Variants in PKP2 observed in about 807,000 individuals in gnomAD.
The protein encoded by PKP2 is plakophilin 2.
In PKP2, 73 loss-of-function variants were observed where a neutral mutation model predicts 83.4. The observed-to-expected ratio is 0.88, with a 90% confidence interval of 0.72 to 1.06. PKP2 has a LOEUF of 1.06. PKP2 is among the 50% of genes least tolerant of loss of function. PKP2 has a pLI of 0.00. For missense variants in PKP2, 966 were observed against 1,065.4 expected (o/e 0.91, Z 1.30); for synonymous variants, 409 against 430.4 (o/e 0.95, Z 0.62).
intron 4 of PKP2, among the ~76,000 whole-genome samples, chr12:32,860,240 GAA>G (rs1491334610): frequency 5.3e-5 from 8 of 152,176 alleles, no homozygotes; most frequent in Admixed American, 4.6e-4. Flanking sequence ...GTACCACAGA[GAA>G]AAGAGCTGAA....
At position 32,869,052 on chromosome 12, in the gene PKP2, T is replaced by C. The variant is rs199957846; in HGVS notation, c.1045A>G (p.Met349Val). The change falls in exon 4 of 13, where the codon ATG (methionine) becomes GTG (valine). Residue 349 changes from methionine (M) to valine (V), a missense_variant. Physicochemically the swap from Met to Val is conservative, Grantham distance 21 (BLOSUM62 1). Coordinates refer to ENST00000340811, the MANE Select transcript of PKP2 (RefSeq NM_001005242.3). ...ACTGCTCGCTCCAGAGTCATCTCCA[T>C]GTCTGCATTCCTAGACAAACAGGCA... is the stretch of plus-strand genomic sequence containing the variant. ...FTDSQLGNADMEMTLERAVSM... is the reference protein window; with the variant it reads ...FTDSQLGNADVEMTLERAVSM... 25 of 1,613,914 alleles carry C rather than the reference T, an allele frequency of 1.5e-5. No homozygotes were observed. The highest frequency in any genetic ancestry group is 5.1e-6 in the Non-Finnish European group (6 of 1,180,042).
chr12:32,833,998 G>A (rs1956523592), intron 6 of PKP2, among the ~76,000 whole-genome samples: 1 of 152,186 alleles, frequency 6.6e-6, no homozygotes, highest in South Asian at 2.1e-4. Context: ...TAAGAACGTT[G>A]GTGATGACCT....
chr12:32,832,396 A>T (rs1479504695), intron 6 of PKP2, among the ~76,000 whole-genome samples: 2 of 151,964 alleles, frequency 1.3e-5, no homozygotes, highest in Non-Finnish European at 2.9e-5. Context: ...AAAAAAAAAA[A>T]TTTACAAAGT....
intron 3 of PKP2, among the ~76,000 whole-genome samples, chr12:32,872,751 A>G (rs1956905065): frequency 6.6e-6 from 1 of 152,126 alleles, no homozygotes; most frequent in Non-Finnish European, 1.5e-5. Context: ...CCCCACAAAT[A>G]TTTTAAAGTA....
intron 5 of PKP2, among the ~76,000 whole-genome samples, chr12:32,845,732 C>G (rs1054704187): frequency 6.6e-6 from 1 of 152,024 alleles, no homozygotes; most frequent in African/African-American, 2.4e-5. Context: ...ACCGCTCGGA[C>G]AAGGACAAGA....
intron 4 of PKP2, among the ~76,000 whole-genome samples, chr12:32,855,824 A>C (rs1260220048): frequency 6.6e-6 from 1 of 150,700 alleles, no homozygotes; most frequent in East Asian, 1.9e-4. Context: ...ATTTCTACTC[A>C]TAAACACAGG....
At chr12:32,815,296 T>A (rs781191930) in intron 9 of PKP2, among the ~76,000 whole-genome samples, 6 of 152,222 alleles carry the variant, frequency 3.9e-5, no homozygotes, top group African/African-American at 7.2e-5. Flanking sequence ...TTAGTATGGC[T>A]CATACAGTCC....
intron 1 of PKP2, 130 bp from the exon 2 acceptor site, chr12:32,879,162 C>T (rs1051595434): frequency 5.0e-5 from 34 of 685,616 alleles, no homozygotes; most frequent in Admixed American, 1.3e-4. Context: ...ATTAAACGTA[C>T]GTTAATGTTT....
intron 9 of PKP2, 63 bp from the exon 10 acceptor site, chr12:32,802,619 T>C: frequency 7.3e-7 from 1 of 1,365,970 alleles, no homozygotes; most frequent in East Asian, 2.3e-5. Flanking sequence ...CATTAAGTTT[T>C]CTGTAGATTA....
chr12:32,860,438 G>A (rs1387106572), intron 4 of PKP2, among the ~76,000 whole-genome samples: 1 of 152,174 alleles, frequency 6.6e-6, no homozygotes, highest in African/African-American at 2.4e-5. Context: ...CAGCCAGCCA[G>A]AAAAATCTCA....
chr12:32,810,593 T>C (rs1299410651), intron 9 of PKP2, among the ~76,000 whole-genome samples: 2 of 152,222 alleles, frequency 1.3e-5, no homozygotes, highest in Non-Finnish European at 1.5e-5. Flanking sequence ...TTTTTTAATC[T>C]ACTCTTTATT....
At chr12:32,842,209 A>G (rs1219917289) in intron 5 of PKP2, among the ~76,000 whole-genome samples, 1 of 151,736 alleles carries the variant, frequency 6.6e-6, no homozygotes, top group African/African-American at 2.4e-5. Context: ...TATTCCAGGG[A>G]CTCCCAGCAG....
chr12:32,825,261 C>T (rs1332310351), intron 6 of PKP2, among the ~76,000 whole-genome samples: 1 of 150,716 alleles, frequency 6.6e-6, no homozygotes, highest in African/African-American at 2.4e-5. Context: ...CTCCACCTCC[C>T]GGGTTCAAGC....
intron 1 of PKP2, among the ~76,000 whole-genome samples, chr12:32,882,712 A>G (rs1435538289): frequency 6.6e-6 from 1 of 152,218 alleles, no homozygotes; most frequent in East Asian, 1.9e-4. Context: ...AAGGAGCTCA[A>G]ATTATTTTAT....
chr12:32,837,034 G>T (rs1257723640), intron 6 of PKP2, among the ~76,000 whole-genome samples: 2 of 152,086 alleles, frequency 1.3e-5, no homozygotes, highest in Non-Finnish European at 2.9e-5. Flanking sequence ...CTTCATCTTT[G>T]TATCTTCTTT....
intron 5 of PKP2, among the ~76,000 whole-genome samples, chr12:32,842,245 T>C (rs1956600002): frequency 6.6e-6 from 1 of 152,186 alleles, no homozygotes; most frequent in African/African-American, 2.4e-5. Context: ...GTCATCTTTC[T>C]TTCTTTTTTT....
intron 4 of PKP2, among the ~76,000 whole-genome samples, chr12:32,866,495 G>C (rs1311486210): frequency 1.6e-5 from 2 of 127,676 alleles, no homozygotes; most frequent in South Asian, 5.4e-4. Context: ...AGGTTGCAAT[G>C]AGCCAAAATT....
chr12:32,884,551 T>A (rs1167568482), intron 1 of PKP2, among the ~76,000 whole-genome samples: 1 of 152,236 alleles, frequency 6.6e-6, no homozygotes, highest in Non-Finnish European at 1.5e-5. Flanking sequence ...AAATTTGTTA[T>A]GCTTTTCTCT....
intron 6 of PKP2, among the ~76,000 whole-genome samples, chr12:32,831,593 T>C (rs1327732126): frequency 6.6e-6 from 1 of 152,188 alleles, no homozygotes; most frequent in African/African-American, 2.4e-5. Context: ...GAGTAAAAAT[T>C]AATCTTTTGT....
Sources: allele counts gnomAD v4.1 joint callset (sites outside exome capture counted in the v4.1 genomes callset), GRCh38; gene constraint gnomAD v4.1.1; transcripts MANE v1.5; gene names NCBI Gene and HGNC (gene_info 2026-07-23, HGNC 2026-07-21).